Variants in PRDM13 observed in about 807,000 individuals in gnomAD.
PRDM13 encodes PR domain zinc finger protein 13.
PRDM13 carries 15 observed loss-of-function variants against 36.4 expected under a neutral mutation model. The observed-to-expected ratio is 0.41, with a 90% CI of 0.28 to 0.64. The LOEUF is 0.64. Ranked by LOEUF, PRDM13 falls within the 30% of genes least tolerant of loss-of-function variation. The pLI, the probability that PRDM13 is intolerant of heterozygous loss-of-function variation, is 0.29. For synonymous variants in PRDM13, 531 were observed against 467.7 expected (o/e 1.14, Z -1.75); for missense variants, 1,044 against 1,013.5 (o/e 1.03, Z -0.41).
rs1769958209 is a variant in PRDM13, at chr6:99,607,113, G to A, written c.79G>A (p.Val27Met). The change falls in exon 1 of 4, where the codon GTG becomes ATG. Residue 27 changes from valine (V) to methionine (M), a missense_variant. Val to Met is a conservative substitution (Grantham distance 21, BLOSUM62 1). Transcript: ENST00000369215. The stretch of plus-strand genomic sequence containing the variant: ...CCCGGCCGGCTTGCGCCTCGGACCG[G>A]TGCCTGGTACCTTCAAGCTGGGCAA... ...CIPAGLRLGP[V>M]PGTFKLGKYL... 1 of 1,613,708 alleles carries A rather than the reference G, an allele frequency of 6.2e-7. No homozygotes were observed. The highest frequency in any genetic ancestry group is 8.5e-7 in the Non-Finnish European group (1 of 1,180,026).
At position 99,614,681 on chromosome 6, in the gene PRDM13, C is replaced by T. The variant is rs368806941; in HGVS notation, c.2046C>T (p.Asp682=). ...YPPEPGDPKS[D]DSDVDVCFTD... is the part of the protein sequence containing the mutation. Reference sequence around the variant, plus strand: ...CGGAGCCTGGGGATCCCAAGAGCGACGACAGTGACGTGGACGTCTGCTTCA... The same window carrying T: ...CGGAGCCTGGGGATCCCAAGAGCGATGACAGTGACGTGGACGTCTGCTTCA... The change falls in exon 4 of 4, where the codon GAC becomes GAT. Residue 682 remains aspartate, a synonymous_variant. Coordinates refer to ENST00000369215, the MANE Select transcript of PRDM13 (RefSeq NM_021620.4). 81 of 1,610,768 alleles carry T rather than the reference C, an allele frequency of 5.0e-5. No individual in the cohort carries two copies. Among genetic ancestry groups the T allele is most frequent in the Middle Eastern group, 1.6e-4 (1 of 6,064 alleles).
Position 99,613,282 on chromosome 6 carries a change from C to T in PRDM13, c.647C>T (p.Pro216Leu), listed in dbSNP as rs763011996. 5.0e-6 allele frequency: 8 copies of T among 1,590,642 alleles called. No individual in the cohort carries two copies. Among genetic ancestry groups the T allele is most frequent in the African/African-American group, 1.3e-5 (1 of 74,424 alleles). The change falls in exon 4 of 4, where the codon CCA becomes CTA. Residue 216 changes from proline (P) to leucine (L), a missense_variant. Physicochemically the swap from Pro to Leu is moderately conservative, Grantham distance 98 (BLOSUM62 -3). Transcript: ENST00000369215. This position sits in a 1 kb window ranked among gnomAD's most constrained non-coding sequence, Gnocchi z 6.1. ...TTGCGACCCCACCCCCTGGGCCCGC[C>T]ACCAGTTCAGGCCTGCGGTGCGCGG... ...GTLRPHPLGP[P>L]PVQACGAREG...
rs889284839 is a variant in PRDM13, at chr6:99,614,265, G to T, written c.1630G>T (p.Gly544Trp). The T allele has an allele frequency of 1.9e-6, 3 of 1,608,328 alleles. No homozygotes were observed. The highest frequency in any genetic ancestry group is 1.7e-4 in the Middle Eastern group (1 of 6,054). The change falls in exon 4 of 4, where the codon GGG becomes TGG. Residue 544 changes from glycine to tryptophan, a missense_variant. By Grantham distance (184) the Gly-to-Trp change is radical. Transcript: ENST00000369215. ...AGKGRGRLDS[G>W]TLPPAVAAAG... Reference sequence around the variant, plus strand: ...GAAGGGTCGCGGACGCCTGGACTCGGGGACGTTGCCACCGGCCGTCGCGGC... The same window carrying T: ...GAAGGGTCGCGGACGCCTGGACTCGTGGACGTTGCCACCGGCCGTCGCGGC...
Position 99,613,402 on chromosome 6 carries a change from A to G in PRDM13, c.767A>G (p.Asp256Gly). ...CCCAAGAAGGGCAAGGAGCAGCTGG[A>G]CCGTGCCCTGGACATGAGCGGAGCC... The part of the protein sequence containing the change: ...GQPKKGKEQL[D>G]RALDMSGAAR... The change falls in exon 4 of 4, where the codon GAC (aspartate) becomes GGC (glycine). Residue 256 changes from aspartate to glycine, a missense_variant. Physicochemically the swap from Asp to Gly is moderately conservative, Grantham distance 94. This residue lies in a region of PRDM13 where 921 missense variants were observed against 865.2 expected (regional missense o/e 1.06). Transcript: ENST00000369215. This position sits in a 1 kb window ranked among gnomAD's most constrained non-coding sequence, Gnocchi z 6.1. The G allele has an allele frequency of 1.3e-6, 2 of 1,557,272 alleles. No homozygotes were observed. Among genetic ancestry groups the G allele is most frequent in the Non-Finnish European group, 1.7e-6 (2 of 1,158,984 alleles).
Position 99,614,222 on chromosome 6 carries a change from G to A in PRDM13, c.1587G>A (p.Leu529=). 2 of 1,608,956 alleles carry A rather than the reference G, an allele frequency of 1.2e-6. No homozygotes were observed. The highest frequency in any genetic ancestry group is 1.1e-5 in the South Asian group (1 of 90,900). ...DREIAMHNQQ[L]SEMAAGKGRG... is the part of the protein sequence containing the mutation. The stretch of plus-strand genomic sequence containing the variant: ...AGATCGCCATGCACAATCAGCAGCT[G>A]TCCGAGATGGCTGCCGGGAAGGGTC... The change falls in exon 4 of 4, where the codon CTG becomes CTA. Residue 529 remains leucine (L), a synonymous_variant. Coordinates refer to ENST00000369215, the MANE Select transcript of PRDM13 (RefSeq NM_021620.4).
chr6:99,609,204 G>A lies in PRDM13; in HGVS notation c.294G>A (p.Leu98=), dbSNP rs760302648. ...LPGGQIFYRA[L]RDVQPGEELT... ...CGTCCCAGATCTTCTACCGAGCATT[G>A]CGAGACGTCCAGCCAGGGGAGGAGC... Residue 98 remains leucine, a synonymous_variant, in exon 3 of 4, where the codon TTG becomes TTA. Coordinates refer to ENST00000369215, the MANE Select transcript of PRDM13 (RefSeq NM_021620.4). The A allele has an allele frequency of 2.5e-6, 4 of 1,613,700 alleles. No homozygotes were observed. Among genetic ancestry groups the A allele is most frequent in the African/African-American group, 2.7e-5 (2 of 74,986 alleles).
chr6:99,607,066 G>T lies in PRDM13; in HGVS notation c.32G>T (p.Ser11Ile), dbSNP rs767767173. The change falls in exon 1 of 4, where the codon AGC becomes ATC. Residue 11 changes from serine (S) to isoleucine (I), a missense_variant. By Grantham distance (142) the Ser-to-Ile change is moderately radical (BLOSUM62 -2). This residue lies in a region of PRDM13 where 921 missense variants were observed against 865.2 expected (regional missense o/e 1.06). Coordinates refer to ENST00000369215, the MANE Select transcript of PRDM13 (RefSeq NM_021620.4). ...GGAGCCGCCAGAGCGCCAGCCACCA[G>T]CGTGAGTGCCGACTGCTGCATCCCG... The part of the protein sequence containing the change: MHGAARAPAT[S>I]VSADCCIPAG... 6.2e-7 allele frequency: 1 copy of T among 1,612,722 alleles called. No individual in the cohort carries two copies. The highest frequency in any genetic ancestry group is 2.2e-5 in the East Asian group (1 of 44,856).
Position 99,613,900 on chromosome 6 carries a change from A to G in PRDM13, c.1265A>G (p.Gln422Arg), listed in dbSNP as rs747172544. ...AAALPGARYA[Q>R]LPPAPGLPLE... ...GCGCTGCCAGGAGCGCGTTATGCGCAGCTGCCCCCTGCGCCGGGGTTGCCC... is the reference window on the plus strand; with the variant it reads ...GCGCTGCCAGGAGCGCGTTATGCGCGGCTGCCCCCTGCGCCGGGGTTGCCC... Residue 422 changes from glutamine (Q) to arginine (R), a missense_variant, in exon 4 of 4, where the codon CAG (glutamine) becomes CGG (arginine). Gln to Arg is a conservative substitution (Grantham distance 43). Coordinates refer to ENST00000369215, the MANE Select transcript of PRDM13 (RefSeq NM_021620.4). This position sits in a 1 kb window ranked among gnomAD's most constrained non-coding sequence, Gnocchi z 6.1. 6 of 1,578,302 alleles carry G rather than the reference A, an allele frequency of 3.8e-6. No individual in the cohort carries two copies. Among genetic ancestry groups the G allele is most frequent in the Non-Finnish European group, 5.1e-6 (6 of 1,168,524 alleles).
Position 99,607,047 on chromosome 6 carries a change from G to A in PRDM13, c.13G>A (p.Ala5Thr), listed in dbSNP as rs751662673. 6.8e-6 allele frequency: 11 copies of A among 1,610,816 alleles called. No individual in the cohort carries two copies. The highest frequency in any genetic ancestry group is 5.5e-5 in the South Asian group (5 of 90,862). MHGA[A>T]RAPATSVSAD... ...GGCGGCGGCAACAATGCACGGAGCC[G>A]CCAGAGCGCCAGCCACCAGCGTGAG... is the stretch of plus-strand genomic sequence containing the variant. The change falls in exon 1 of 4, where the codon GCC becomes ACC. Residue 5 changes from alanine to threonine, a missense_variant. This residue lies in a region of PRDM13 where 921 missense variants were observed against 865.2 expected (regional missense o/e 1.06). Coordinates refer to ENST00000369215, the MANE Select transcript of PRDM13 (RefSeq NM_021620.4).
At chr6:99,607,222 G>C (rs1412187003) in intron 1 of PRDM13, 44 bp downstream of exon 1, 2 of 1,604,934 alleles carry the variant, frequency 1.2e-6, no homozygotes, top group Non-Finnish European at 1.7e-6. Context: ...TCGCCTCTCA[G>C]TGCCCTGACC....
At chr6:99,607,901 C>T (rs1769972265) in intron 1 of PRDM13, among the ~76,000 whole-genome samples, 1 of 152,234 alleles carries the variant, frequency 6.6e-6, no homozygotes, top group Non-Finnish European at 1.5e-5. Flanking sequence ...CCACACTCCA[C>T]ACACCGTCGC....
Position 99,614,194 on chromosome 6 carries a change from G to T in PRDM13, c.1559G>T (p.Arg520Leu). The change falls in exon 4 of 4, where the codon CGA (arginine) becomes CTA (leucine). Residue 520 changes from arginine to leucine, a missense_variant. By Grantham distance (102) the Arg-to-Leu change is moderately radical (BLOSUM62 -2). Coordinates refer to ENST00000369215, the MANE Select transcript of PRDM13 (RefSeq NM_021620.4). ...AELGSLASIDREIAMHNQQLS... is the reference protein window; with the variant it reads ...AELGSLASIDLEIAMHNQQLS... ...CTGGGGTCGCTGGCCAGCATCGACC[G>T]AGAGATCGCCATGCACAATCAGCAG... The T allele has an allele frequency of 1.2e-6, 2 of 1,606,138 alleles. No homozygotes were observed.
chr6:99,607,465 G>A (rs748811124), intron 1 of PRDM13, among the ~76,000 whole-genome samples: 6 of 152,134 alleles, frequency 3.9e-5, no homozygotes, highest in Non-Finnish European at 8.8e-5. Flanking sequence ...TTTCCCCTGC[G>A]CTCTCGGGTC....
Position 99,614,205 on chromosome 6 carries a change from A to C in PRDM13, c.1570A>C (p.Met524Leu), listed in dbSNP as rs1247477994. The change falls in exon 4 of 4, where the codon ATG becomes CTG. Residue 524 changes from methionine to leucine, a missense_variant. Met to Leu is a conservative substitution (Grantham distance 15). Coordinates refer to ENST00000369215, the MANE Select transcript of PRDM13 (RefSeq NM_021620.4). ...GGCCAGCATCGACCGAGAGATCGCC[A>C]TGCACAATCAGCAGCTGTCCGAGAT... is the stretch of plus-strand genomic sequence containing the variant. ...SLASIDREIA[M>L]HNQQLSEMAA... is the part of the protein sequence containing the mutation. 5.0e-6 allele frequency: 8 copies of C among 1,608,016 alleles called. No homozygotes were observed. In the South Asian group the frequency reaches 6.6e-5, roughly 13 times the overall value.
chr6:99,614,191 A>G lies in PRDM13; in HGVS notation c.1556A>G (p.Asp519Gly). The change falls in exon 4 of 4, where the codon GAC (aspartate) becomes GGC (glycine). Residue 519 changes from aspartate to glycine, a missense_variant. By Grantham distance (94) the Asp-to-Gly change is moderately conservative. This residue lies in a region of PRDM13 where 921 missense variants were observed against 865.2 expected (regional missense o/e 1.06). Coordinates refer to ENST00000369215, the MANE Select transcript of PRDM13 (RefSeq NM_021620.4). ...PAELGSLASI[D>G]REIAMHNQQL... ...GAGCTGGGGTCGCTGGCCAGCATCG[A>G]CCGAGAGATCGCCATGCACAATCAG... is the stretch of plus-strand genomic sequence containing the variant. 1 of 1,605,820 alleles carries G rather than the reference A, an allele frequency of 6.2e-7. No individual in the cohort carries two copies. Among genetic ancestry groups the G allele is most frequent in the Non-Finnish European group, 8.5e-7 (1 of 1,178,330 alleles).
chr6:99,609,779 A>G (rs995981668), intron 3 of PRDM13, among the ~76,000 whole-genome samples: 1 of 152,058 alleles, frequency 6.6e-6, no homozygotes, highest in African/African-American at 2.4e-5. Context: ...TTAGCTACTC[A>G]GGATGCTGAG....
rs781714070 is a variant in PRDM13, at chr6:99,614,355, C to G, written c.1720C>G (p.Leu574Val). The stretch of plus-strand genomic sequence containing the variant: ...CGCAGGTAAGCCCAAGACCGGCCAC[C>G]TGTGCCTCTACTGTGGCAAGCTGTA... ...SGAGKPKTGH[L>V]CLYCGKLYSR... The change falls in exon 4 of 4, where the codon CTG becomes GTG. Residue 574 changes from leucine to valine, a missense_variant. Leu to Val is a conservative substitution (Grantham distance 32). Around this residue, in one of 3 missense-constraint regions of PRDM13, gnomAD observed 921 missense variants for 865.2 expected, o/e 1.06. Transcript: ENST00000369215. The G allele has an allele frequency of 1.9e-6, 3 of 1,612,628 alleles. No homozygotes were observed. Among genetic ancestry groups the G allele is most frequent in the Admixed American group, 3.3e-5 (2 of 59,962 alleles).
chr6:99,615,002 C>T lies in PRDM13; in HGVS notation c.*243C>T, dbSNP rs1008462310. 4 of 579,164 alleles carry T rather than the reference C, an allele frequency of 6.9e-6. No homozygotes were observed. The African/African-American group carries it at 7.6e-5, about 11-fold the overall frequency. The allele number at this position is 579,164 out of a possible 1,614,324, so 35.9% of individuals were successfully genotyped here. ...CTCGAGTGCCACCAGTACCTCCGCA[C>T]CCCGGGCCTCTGGACTTCTTGGATG... On this transcript the variant is annotated 3_prime_UTR_variant, in exon 4 of 4. Coordinates refer to ENST00000369215, the MANE Select transcript of PRDM13 (RefSeq NM_021620.4).
At position 99,608,487 on chromosome 6, in the gene PRDM13, C is replaced by T. The variant is rs895865108; in HGVS notation, c.145-254C>T. On this transcript the variant is annotated intron_variant, in intron 1 of 3. Coordinates refer to ENST00000369215, the MANE Select transcript of PRDM13 (RefSeq NM_021620.4). ...CACTCAGGGAGGATGCTCTCAACAC[C>T]CCTCTCCCCTCCCCGTGTCGTCAAG... Among the ~76,000 whole-genome samples the T allele has an allele frequency of 2.6e-4, 40 of 152,038 alleles. 1 individual carries two copies. The highest frequency in any genetic ancestry group is 9.2e-4 in the African/African-American group (38 of 41,368).
Sources: gnomAD v4.1 joint callset for allele counts (sites outside exome capture counted in the v4.1 genomes callset) on GRCh38, gnomAD v4.1.1 for gene constraint, gnomAD v4.1.1 regional missense constraint, Gnocchi (gnomAD v3.1) non-coding constraint, MANE v1.5 for transcripts, NCBI Gene and HGNC (gene_info 2026-07-23, HGNC 2026-07-21) for gene names.